CENPK: variants seen among roughly 807,000 people sequenced by gnomAD.
CENPK encodes the protein centromere protein K, also known as SoxLZ/Sox6-binding protein Solt.
In CENPK, 46 loss-of-function variants were observed where a neutral mutation model predicts 40.9. The observed-to-expected ratio is 1.13, with a 90% CI of 0.89 to 1.44. The LOEUF is 1.44. Among genes scored for constraint, CENPK ranks in the 40% most tolerant of loss-of-function variants. The probability of loss-of-function intolerance (pLI) is 0.00; values close to 1 mark genes in which losing one functional copy is unlikely to be tolerated. For missense variants in CENPK, 288 were observed against 303.5 expected, an observed-to-expected ratio of 0.95 and a Z score of 0.38; for synonymous variants, 107 against 104.4, an observed-to-expected ratio of 1.02 and a Z score of -0.15.
At chr5:65,527,954 G>A (rs1286026419) in intron 9 of CENPK, among the ~76,000 whole-genome samples, 2 of 152,112 alleles carry the variant, frequency 1.3e-5, no homozygotes, top group African/African-American at 4.8e-5. Context: ...CTGGCTGGGC[G>A]CAGTGGCTCA....
chr5:65,509,028 A>G, the CENPK span, among the ~76,000 whole-genome samples: 91,905 of 151,950 alleles, frequency 0.6, 28,520 homozygotes, highest in East Asian at 0.79. Context: ...GAAAGGACTT[A>G]TATTCAGAAT....
chr5:65,557,502 T>G (rs1336619085), intron 2 of CENPK, among the ~76,000 whole-genome samples: 10 of 152,190 alleles, frequency 6.6e-5, no homozygotes. Flanking sequence ...CCAGGCACCA[T>G]GTTATGCGAA....
rs1437815344 is a variant in CENPK, at chr5:65,518,003, T to A, written c.*472A>T. 6.6e-6 allele frequency: 1 copy of A among 152,250 alleles called. No homozygotes were observed. Among genetic ancestry groups the A allele is most frequent in the African/African-American group, 2.4e-5 (1 of 41,462 alleles). The allele number at this position is 152,250 out of a possible 1,614,324, so 9.4% of individuals were successfully genotyped here. On this transcript the variant is annotated 3_prime_UTR_variant, in exon 11 of 11. Transcript: ENST00000396679. ...TAAGACAGTATATATGAAACAAATT[T>A]GCTAAATATTTTTAAATTATGCCAC... is the stretch of plus-strand genomic sequence containing the variant.
chr5:65,544,111 C>T (rs571918542), intron 5 of CENPK, among the ~76,000 whole-genome samples: 3 of 152,226 alleles, frequency 2.0e-5, no homozygotes, highest in Admixed American at 2.0e-4. Flanking sequence ...TCTACATGTG[C>T]TTCATAGATA....
At chr5:65,528,806 A>C (rs1170946022) in intron 8 of CENPK, 113 bp downstream of exon 8, 1 of 901,228 alleles carries the variant, frequency 1.1e-6, no homozygotes, top group East Asian at 2.7e-5. Context: ...AGTTAACAAA[A>C]GTTAGGGCAA....
At chr5:65,541,493 G>T (rs2150444962) in intron 6 of CENPK, 1 of 455,940 alleles carries the variant, frequency 2.2e-6, no homozygotes, top group African/African-American at 2.0e-5. Context: ...AACCAGAGGT[G>T]CTACGTTGTA....
intron 6 of CENPK, among the ~76,000 whole-genome samples, chr5:65,538,378 G>A (rs1336488903): frequency 1.3e-5 from 2 of 152,156 alleles, no homozygotes; most frequent in East Asian, 3.9e-4. Flanking sequence ...GCTTTATGAT[G>A]TGTGGCCACC....
At chr5:65,559,184 C>A (rs1751489206) in intron 2 of CENPK, among the ~76,000 whole-genome samples, 1 of 152,154 alleles carries the variant, frequency 6.6e-6, no homozygotes, top group Non-Finnish European at 1.5e-5. Flanking sequence ...CTAAGGCAGA[C>A]CTAAATAAAT....
the CENPK span, among the ~76,000 whole-genome samples, chr5:65,498,531 A>C: frequency 6.6e-6 from 1 of 152,038 alleles, no homozygotes; most frequent in Non-Finnish European, 1.5e-5. Flanking sequence ...AATCATGGAC[A>C]CATAACTTAG....
chr5:65,495,984 A>G, the CENPK span, among the ~76,000 whole-genome samples: 1 of 152,182 alleles, frequency 6.6e-6, no homozygotes, highest in African/African-American at 2.4e-5. Flanking sequence ...TGGCCAGGCA[A>G]GGCGGCTCAT....
At chr5:65,501,465 C>A in the CENPK span, among the ~76,000 whole-genome samples, 7 of 152,142 alleles carry the variant, frequency 4.6e-5, no homozygotes, top group Non-Finnish European at 1.5e-5. Flanking sequence ...AGGCAGGAGC[C>A]ACTGCTCCTG....
intron 2 of CENPK, among the ~76,000 whole-genome samples, chr5:65,558,682 A>C (rs1751397820): frequency 6.6e-6 from 1 of 152,220 alleles, no homozygotes; most frequent in African/African-American, 2.4e-5. Context: ...TCATGAGTTT[A>C]AAGTAAAACC....
chr5:65,515,204 A>AAATTTTTTTTT (rs35708852), downstream of CENPK, among the ~76,000 whole-genome samples: 89 of 124,046 alleles, frequency 7.2e-4, no homozygotes, highest in East Asian at 2.2e-3. Context: ...TCTCAAAAAA[A>AAATTTTTTTTT]TTTTTTTTTT....
chr5:65,528,832 G>T, intron 8 of CENPK, 87 bp downstream of exon 8: 1 of 951,548 alleles, frequency 1.1e-6, no homozygotes, highest in Non-Finnish European at 1.6e-6. Context: ...CTGATTCCTG[G>T]TAACATTTAA....
At chr5:65,499,899 A>C in the CENPK span, among the ~76,000 whole-genome samples, 1 of 99,858 alleles carries the variant, frequency 1.0e-5, no homozygotes, top group African/African-American at 3.8e-5. Context: ...ATTCCCACCT[A>C]TGAGTGAGAA....
the CENPK span, among the ~76,000 whole-genome samples, chr5:65,504,914 T>C: frequency 6.6e-6 from 1 of 152,100 alleles, no homozygotes; most frequent in African/African-American, 2.4e-5. Context: ...AGATTTTTAG[T>C]TTTTTATATG....
intron 6 of CENPK, among the ~76,000 whole-genome samples, chr5:65,531,508 ATTTT>A (rs34443663): frequency 7.0e-6 from 1 of 142,818 alleles, no homozygotes; most frequent in Non-Finnish European, 1.5e-5. Flanking sequence ...CTAAAAATCT[ATTTT>A]TTTTTTTTTT....
intron 5 of CENPK, among the ~76,000 whole-genome samples, chr5:65,545,503 A>G (rs1437854324): frequency 6.6e-6 from 1 of 152,200 alleles, no homozygotes; most frequent in African/African-American, 2.4e-5. Context: ...TTGCACATCC[A>G]GTGAAAATAT....
intron 6 of CENPK, among the ~76,000 whole-genome samples, chr5:65,533,409 A>G (rs986407137): frequency 2.1e-4 from 32 of 152,036 alleles, no homozygotes; most frequent in Non-Finnish European, 4.1e-4. Context: ...AAACTGTAAC[A>G]GAAGAAAATT....
Sources: gnomAD v4.1 joint callset for allele counts (sites outside exome capture counted in the v4.1 genomes callset) on GRCh38, gnomAD v4.1.1 for gene constraint, MANE v1.5 for transcripts, NCBI Gene and HGNC (gene_info 2026-07-23, HGNC 2026-07-21) for gene names.